Variants in CYRIB observed in about 807,000 individuals in gnomAD.
CYRIB encodes CYFIP-related Rac1 interactor B.
In CYRIB, 8 loss-of-function variants were observed where a neutral mutation model predicts 44.2. The observed-to-expected ratio is 0.18, with a 90% confidence interval of 0.11 to 0.33. The LOEUF (loss-of-function observed/expected upper bound fraction) is 0.33, where lower values mean the gene tolerates loss of function less well. CYRIB is among the 10% of genes least tolerant of loss of function. The probability of loss-of-function intolerance (pLI) is 1.00; values close to 1 mark genes in which losing one functional copy is unlikely to be tolerated. For synonymous variants in CYRIB, 131 were observed against 127.2 expected (o/e 1.03, Z -0.20); for missense variants, 185 against 382.8 (o/e 0.48, Z 4.31).
At chr8:130,000,631 G>T (rs2096887275) in intron 1 of CYRIB, among the ~76,000 whole-genome samples, 1 of 152,168 alleles carries the variant, frequency 6.6e-6, no homozygotes, top group Admixed American at 6.5e-5. Context: ...GGTTGAGGTT[G>T]CAGTGAGCCA....
chr8:129,953,994 T>G (rs1465203753), intron 2 of CYRIB, among the ~76,000 whole-genome samples: 1 of 152,098 alleles, frequency 6.6e-6, no homozygotes, highest in African/African-American at 2.4e-5. Context: ...TTAAAAAAAA[T>G]GGACCAGTTA....
intron 1 of CYRIB, among the ~76,000 whole-genome samples, chr8:129,924,811 T>A (rs1421491590): frequency 2.6e-5 from 4 of 151,488 alleles, no homozygotes; most frequent in Admixed American, 2.6e-4. Context: ...ACAAAAAAAT[T>A]TAAAAAAATA....
At chr8:129,885,949 C>G (rs1269585840) in intron 2 of CYRIB, among the ~76,000 whole-genome samples, 3 of 152,162 alleles carry the variant, frequency 2.0e-5, no homozygotes, top group Non-Finnish European at 4.4e-5. Context: ...ACATAAGCAT[C>G]TATCTTTTCT....
intron 1 of CYRIB, among the ~76,000 whole-genome samples, chr8:129,923,570 C>A (rs974664427): frequency 6.6e-6 from 1 of 152,090 alleles, no homozygotes; most frequent in South Asian, 2.1e-4. Flanking sequence ...TCACTGCACC[C>A]GGCCAAGTCA....
intron 2 of CYRIB, among the ~76,000 whole-genome samples, chr8:129,947,104 C>CTAGA (rs2094199542): frequency 6.6e-6 from 1 of 151,992 alleles, no homozygotes; most frequent in Non-Finnish European, 1.5e-5. Context: ...GTCACCCAGG[C>CTAGA]TAGAGTGCAG....
intron 2 of CYRIB, chr8:129,879,722 C>A: frequency 5.2e-6 from 2 of 384,364 alleles, no homozygotes; most frequent in Non-Finnish European, 9.3e-6. Context: ...TCAAAATTCT[C>A]CCAAGACAAG....
chr8:129,861,597 C>T (rs2049611411), intron 5 of CYRIB, among the ~76,000 whole-genome samples: 1 of 151,532 alleles, frequency 6.6e-6, no homozygotes. Context: ...TGCCACCACA[C>T]TCAGCTTATT....
At chr8:129,914,323 G>A (rs1185706953) in intron 1 of CYRIB, among the ~76,000 whole-genome samples, 2 of 152,224 alleles carry the variant, frequency 1.3e-5, no homozygotes, top group Non-Finnish European at 2.9e-5. Context: ...GACTAAATAT[G>A]CAGCCAGAGG....
chr8:129,904,729 A>C (rs556625227), intron 1 of CYRIB, 144 bp from the exon 3 acceptor site: 1 of 152,306 alleles, frequency 6.6e-6, no homozygotes, highest in Non-Finnish European at 1.5e-5. Context: ...TGCACACCCC[A>C]TATTCCACCC....
intron 1 of CYRIB, among the ~76,000 whole-genome samples, chr8:129,919,241 G>A (rs542502321): frequency 6.6e-6 from 1 of 152,264 alleles, no homozygotes; most frequent in South Asian, 2.1e-4. Context: ...ACTTTGGAGT[G>A]ATATTATATA....
chr8:129,946,180 G>T (rs185959703), intron 2 of CYRIB, among the ~76,000 whole-genome samples: 89 of 152,294 alleles, frequency 5.8e-4, no homozygotes, highest in African/African-American at 1.9e-3. Context: ...CTGGGTCAAA[G>T]GATCTGAAAA....
At chr8:129,884,334 A>G (rs1420022707) in intron 2 of CYRIB, among the ~76,000 whole-genome samples, 2 of 152,106 alleles carry the variant, frequency 1.3e-5, no homozygotes, top group Non-Finnish European at 2.9e-5. Context: ...TGTTGCCCAG[A>G]CTGGAGTGCA....
chr8:129,900,936 A>G (rs1407172137), intron 2 of CYRIB, among the ~76,000 whole-genome samples: 2 of 152,148 alleles, frequency 1.3e-5, no homozygotes, highest in African/African-American at 2.4e-5. Context: ...GGCCACCCAA[A>G]GTGCTGGAAT....
At chr8:129,871,129 G>A (rs751023603) in intron 4 of CYRIB, among the ~76,000 whole-genome samples, 2 of 152,052 alleles carry the variant, frequency 1.3e-5, no homozygotes, top group African/African-American at 2.4e-5. Flanking sequence ...GCAAATTTCA[G>A]GTATAAGAGC....
At chr8:130,005,012 C>A (rs1042098709) in intron 1 of CYRIB, among the ~76,000 whole-genome samples, 1 of 152,210 alleles carries the variant, frequency 6.6e-6, no homozygotes, top group Non-Finnish European at 1.5e-5. Context: ...CGTTATCCAT[C>A]TGCCTCAGCC....
chr8:129,845,433 T>C (rs2039355217), intron 11 of CYRIB, among the ~76,000 whole-genome samples: 1 of 152,190 alleles, frequency 6.6e-6, no homozygotes, highest in Admixed American at 6.5e-5. Context: ...CACTGAAGTA[T>C]GCGTTGTAAA....
intron 1 of CYRIB, among the ~76,000 whole-genome samples, chr8:129,914,521 T>G (rs2079703745): frequency 6.6e-6 from 1 of 152,176 alleles, no homozygotes; most frequent in Admixed American, 6.6e-5. Context: ...ATTAACAACT[T>G]GTCCAAGGCC....
chr8:129,877,133 A>T (rs1018550986), intron 3 of CYRIB, among the ~76,000 whole-genome samples: 3 of 152,242 alleles, frequency 2.0e-5, no homozygotes, highest in African/African-American at 7.2e-5. Flanking sequence ...GTATCTAAAA[A>T]TCTAAATAAG....
chr8:129,843,384 C>A (rs1347561746), intron 11 of CYRIB, among the ~76,000 whole-genome samples: 1 of 152,052 alleles, frequency 6.6e-6, no homozygotes, highest in Non-Finnish European at 1.5e-5. Context: ...GAAGGAGCAG[C>A]AGGGAGGCAT....
Sources: allele counts gnomAD v4.1 joint callset (sites outside exome capture counted in the v4.1 genomes callset), GRCh38; gene constraint gnomAD v4.1.1; transcripts MANE v1.5; gene names NCBI Gene and HGNC (gene_info 2026-07-23, HGNC 2026-07-21).